The following NLGN4X variants were observed in gnomAD, a reference collection of about 807,000 sequenced individuals.
NLGN4X encodes neuroligin-4, X-linked.
NLGN4X carries 3 observed loss-of-function variants against 40.3 expected under a neutral mutation model. The ratio of observed to expected loss-of-function variants is 0.07; its 90% CI spans 0.03 to 0.19. The LOEUF is 0.19. Ranked by LOEUF, NLGN4X falls within the 10% of genes least tolerant of loss-of-function variation. NLGN4X has a pLI of 1.00. For missense variants in NLGN4X, 382 were observed against 708.3 expected, an observed-to-expected ratio of 0.54 and a Z score of 5.23; for synonymous variants, 270 against 306.8, an observed-to-expected ratio of 0.88 and a Z score of 1.25.
intron 5 of NLGN4X, among the ~76,000 whole-genome samples, chrX:5,897,772 C>A (rs1464344170): frequency 8.9e-6 from 1 of 112,233 alleles, no homozygotes; most frequent in Non-Finnish European, 1.9e-5. Context: ...TTCTACTATG[C>A]GTACTCGCTG....
chrX:6,065,894 G>A (rs773953747), intron 2 of NLGN4X, among the ~76,000 whole-genome samples: 17 of 110,843 alleles, frequency 1.5e-4, no homozygotes, highest in African/African-American at 5.2e-4. Flanking sequence ...CAAAAGCCCC[G>A]AGAAATGCAT....
chrX:5,927,658 A>G (rs2033386331), intron 3 of NLGN4X, among the ~76,000 whole-genome samples: 1 of 111,832 alleles, frequency 8.9e-6, no homozygotes, highest in African/African-American at 3.2e-5. Context: ...AGGCATTAGG[A>G]CTCACATCCC....
Position 6,111,159 on chromosome X carries a change from G to A in NLGN4X, c.472+39836C>T, listed in dbSNP as rs982085972. ...AAAAATATGTGAAAGGGCTTACATAGATTCACTCAAGTGCAGAACACCCCA... is the reference window on the plus strand; with the variant it reads ...AAAAATATGTGAAAGGGCTTACATAAATTCACTCAAGTGCAGAACACCCCA... On this transcript the variant is annotated intron_variant, in intron 2 of 5. Transcript: ENST00000381095. Among the ~76,000 whole-genome samples the A allele has an allele frequency of 4.5e-5, 5 of 111,905 alleles. No homozygotes were observed. In the East Asian group the frequency reaches 1.4e-3, roughly 31 times the overall value.
At chrX:6,119,725 T>C (rs999775886) in intron 2 of NLGN4X, among the ~76,000 whole-genome samples, 4 of 111,527 alleles carry the variant, frequency 3.6e-5, no homozygotes, top group African/African-American at 9.8e-5. Flanking sequence ...TAAGTTTTCA[T>C]GTAAAAATTT....
chrX:6,029,560 G>A (rs1171462007), intron 2 of NLGN4X, 128 bp from the exon 3 acceptor site: 1 of 641,986 alleles, frequency 1.6e-6, no homozygotes. Flanking sequence ...TATTTTTATG[G>A]ATGATATGAC....
intron 1 of NLGN4X, among the ~76,000 whole-genome samples, chrX:6,210,688 AT>A (rs1375259114): frequency 8.9e-6 from 1 of 112,156 alleles, no homozygotes; most frequent in Non-Finnish European, 1.9e-5. Context: ...ACATTTTCCA[AT>A]TCTAAAACCC....
At chrX:6,226,367 A>G (rs1602461124) in intron 1 of NLGN4X, among the ~76,000 whole-genome samples, 1 of 109,361 alleles carries the variant, frequency 9.1e-6, no homozygotes, top group African/African-American at 3.3e-5. Context: ...TATGATGCGG[A>G]GGACGTCCTC....
chrX:6,093,083 T>C (rs1197183440), intron 2 of NLGN4X, among the ~76,000 whole-genome samples: 2 of 110,371 alleles, frequency 1.8e-5, no homozygotes, highest in African/African-American at 6.6e-5. Flanking sequence ...GACATGAAAC[T>C]GATGAATGCC....
intron 3 of NLGN4X, among the ~76,000 whole-genome samples, chrX:6,023,084 T>C (rs913576409): frequency 1.5e-4 from 17 of 111,140 alleles, no homozygotes; most frequent in Middle Eastern, 9.3e-3. Context: ...ATGTGAAAGA[T>C]TGTAAGAAAT....
intron 1 of NLGN4X, among the ~76,000 whole-genome samples, chrX:6,206,533 T>C (rs1175873946): frequency 1.8e-5 from 2 of 112,142 alleles, no homozygotes; most frequent in African/African-American, 3.2e-5. Flanking sequence ...AACAGGAATA[T>C]ACTCTCTCAA....
At chrX:5,921,122 G>GT (rs1226085961) in intron 3 of NLGN4X, among the ~76,000 whole-genome samples, 1 of 83,430 alleles carries the variant, frequency 1.2e-5, no homozygotes, top group African/African-American at 5.2e-5. Context: ...ATCACATATG[G>GT]TAAGTATTTT....
intron 3 of NLGN4X, among the ~76,000 whole-genome samples, chrX:5,997,585 T>TGTGC (rs1569177145): frequency 6.0e-5 from 3 of 49,955 alleles, no homozygotes; most frequent in Non-Finnish European, 1.0e-4. Context: ...TGTGTGTGTG[T>TGTGC]GTATATATAT....
chrX:6,059,435 T>A (rs2037716471), intron 2 of NLGN4X, among the ~76,000 whole-genome samples: 1 of 111,715 alleles, frequency 9.0e-6, no homozygotes, highest in Non-Finnish European at 1.9e-5. Flanking sequence ...ATCAGCACCT[T>A]ACAACATCTG....
intron 2 of NLGN4X, among the ~76,000 whole-genome samples, chrX:6,131,311 T>C (rs1365111766): frequency 8.9e-6 from 1 of 112,159 alleles, no homozygotes; most frequent in Non-Finnish European, 1.9e-5. Flanking sequence ...CATGGCATGC[T>C]AATCATCTGA....
intron 2 of NLGN4X, among the ~76,000 whole-genome samples, chrX:6,040,477 T>TA (rs11335101): frequency 2.0e-5 from 2 of 98,797 alleles, no homozygotes; most frequent in East Asian, 6.1e-4. Context: ...CTGCTTTTTT[T>TA]AAAAAAAAAG....
At chrX:6,147,683 T>C (rs763918465) in intron 2 of NLGN4X, among the ~76,000 whole-genome samples, 4 of 107,046 alleles carry the variant, frequency 3.7e-5, no homozygotes, top group Non-Finnish European at 7.7e-5. Context: ...CTCTGTCACA[T>C]ACACACACAC....
At chrX:6,123,289 T>G (rs968972863) in intron 2 of NLGN4X, among the ~76,000 whole-genome samples, 1 of 111,529 alleles carries the variant, frequency 9.0e-6, no homozygotes, top group Non-Finnish European at 1.9e-5. Context: ...CAAAGCAACG[T>G]AGGATACAAA....
intron 1 of NLGN4X, among the ~76,000 whole-genome samples, chrX:6,171,844 G>A (rs2040612245): frequency 9.0e-6 from 1 of 111,470 alleles, no homozygotes; most frequent in Non-Finnish European, 1.9e-5. Context: ...ATGGGGCCTG[G>A]TGGGAGGTGA....
chrX:6,096,326 A>G (rs976709229), intron 2 of NLGN4X, among the ~76,000 whole-genome samples: 1 of 111,653 alleles, frequency 9.0e-6, no homozygotes, highest in Non-Finnish European at 1.9e-5. Flanking sequence ...AGCCTTCCCT[A>G]CAGATTAGAG....
Sources: gnomAD v4.1 joint callset for allele counts (sites outside exome capture counted in the v4.1 genomes callset) on GRCh38, gnomAD v4.1.1 for gene constraint, MANE v1.5 for transcripts, NCBI Gene and HGNC (gene_info 2026-07-23, HGNC 2026-07-21) for gene names.